Variants in MALT1 observed in about 807,000 individuals in gnomAD.
MALT1 encodes the protein MALT1 paracaspase.
A neutral mutation model predicts 85.5 loss-of-function variants in MALT1; 36 were observed. The ratio of observed to expected loss-of-function variants is 0.42; its 90% CI spans 0.32 to 0.56. MALT1 has a LOEUF of 0.56. Ranked by LOEUF, MALT1 falls within the 20% of genes least tolerant of loss-of-function variation. MALT1 has a pLI of 0.10. For synonymous variants in MALT1, 359 were observed against 361.3 expected, an observed-to-expected ratio of 0.99 and a Z score of 0.07; for missense variants, 716 against 981.6, an observed-to-expected ratio of 0.73 and a Z score of 3.62.
At chr18:58,735,056 G>T (rs900929824) in intron 12 of MALT1, 146 bp from the exon 13 acceptor site, 6 of 497,312 alleles carry the variant, frequency 1.2e-5, no homozygotes, top group South Asian at 2.1e-5. Flanking sequence ...CAGTCCCCAC[G>T]CTGTCCCCAC....
At chr18:58,700,314 T>G in intron 3 of MALT1, 127 bp from the exon 4 acceptor site, 1 of 631,900 alleles carries the variant, frequency 1.6e-6, no homozygotes, top group East Asian at 3.2e-5. Context: ...CTCAGAAATG[T>G]TTTAGAACTT....
intron 10 of MALT1, among the ~76,000 whole-genome samples, chr18:58,729,937 G>A (rs2055123383): frequency 6.6e-6 from 1 of 152,234 alleles, no homozygotes; most frequent in Admixed American, 6.5e-5. Flanking sequence ...AGAATTTGAA[G>A]TGTGTTAGAA....
At chr18:58,720,193 C>G (rs1206955014) in intron 9 of MALT1, among the ~76,000 whole-genome samples, 1 of 152,160 alleles carries the variant, frequency 6.6e-6, no homozygotes, top group East Asian at 1.9e-4. Flanking sequence ...AAATATTTTT[C>G]TACAGAAAAA....
intron 10 of MALT1, among the ~76,000 whole-genome samples, chr18:58,726,523 C>T (rs1430647849): frequency 1.3e-5 from 2 of 151,998 alleles, no homozygotes; most frequent in African/African-American, 4.8e-5. Context: ...CAGAGGAACT[C>T]GAGTTCATGC....
Position 58,745,660 on chromosome 18 carries a change from T to G in MALT1, c.1912-6T>G, listed in dbSNP as rs944241693. Reference sequence around the variant, plus strand: ...TATTAACAGTCCCTAATTTTTTTTTTTACAGGATCTAGATATTGATCCAAA... The same window carrying G: ...TATTAACAGTCCCTAATTTTTTTTTGTACAGGATCTAGATATTGATCCAAA... On this transcript the variant is annotated splice_region_variant and splice_polypyrimidine_tract_variant and intron_variant, in intron 15 of 16. Transcript: ENST00000649217. The G allele has an allele frequency of 1.2e-6, 2 of 1,607,558 alleles. No homozygotes were observed. Among genetic ancestry groups the G allele is most frequent in the Admixed American group, 3.4e-5 (2 of 58,774 alleles).
intron 13 of MALT1, among the ~76,000 whole-genome samples, chr18:58,741,085 T>TA (rs1392487129): frequency 3.3e-5 from 5 of 152,148 alleles, no homozygotes; most frequent in Non-Finnish European, 7.4e-5. Flanking sequence ...TTCCTACTCT[T>TA]AACCCCTAGG....
rs986427730 is a variant in MALT1 at position 58,748,292 on chromosome 18, A to T, written c.*450A>T. ...GGCACCAGAACTGAGACCTCCAGAA[A>T]TCTATTCCAGTATTTTTTCCACTAC... On this transcript the variant is annotated 3_prime_UTR_variant, in exon 17 of 17. Transcript: ENST00000649217. 11 of 215,114 alleles carry T rather than the reference A, an allele frequency of 5.1e-5. No individual in the cohort carries two copies. Among genetic ancestry groups the T allele is most frequent in the Admixed American group, 1.1e-4 (2 of 17,704 alleles). 13.3% of individuals were successfully genotyped at this position (215,114 alleles called of 1,614,324 possible). A position where few individuals can be genotyped will look rare whatever the true frequency, so the allele number is the denominator to read the frequency against.
At chr18:58,721,929 C>T (rs774053458) in intron 9 of MALT1, among the ~76,000 whole-genome samples, 1 of 152,172 alleles carries the variant, frequency 6.6e-6, no homozygotes, top group Non-Finnish European at 1.5e-5. Flanking sequence ...GGCGGCTCTT[C>T]AGCCAGTTGG....
chr18:58,684,150 C>T (rs1020227537), intron 2 of MALT1, among the ~76,000 whole-genome samples: 4 of 151,990 alleles, frequency 2.6e-5, no homozygotes, highest in African/African-American at 9.7e-5. Context: ...CCAGGCTGGT[C>T]TTGAACTCCT....
At chr18:58,719,330 T>TC (rs2054949533) in intron 9 of MALT1, among the ~76,000 whole-genome samples, 1 of 116,706 alleles carries the variant, frequency 8.6e-6, no homozygotes, top group South Asian at 2.7e-4. Flanking sequence ...TCTCTCTCTC[T>TC]TTCTCTTCCT....
At position 58,723,266 on chromosome 18, in the gene MALT1, A is replaced by T; in HGVS notation, c.1222+15A>T. On this transcript the variant is annotated intron_variant, in intron 10 of 16. Transcript: ENST00000649217. ...GGGAGTATATGGTAAGATATTTATA[A>T]TGTTTGTTTTTACAATTATCCATTA... 6.4e-7 allele frequency: 1 copy of T among 1,574,768 alleles called. No individual in the cohort carries two copies. The highest frequency in any genetic ancestry group is 8.7e-7 in the Non-Finnish European group (1 of 1,146,366).
Position 58,747,858 on chromosome 18 carries a change from A to AAGTT in MALT1, c.*19_*22dup, listed in dbSNP as rs775868941. ...TGAAAAATGACCTCCTTGTTTTTGA[A>AAGTT]AGTTAGCATAATTTTAGATGCCTGT... On this transcript the variant is annotated 3_prime_UTR_variant, in exon 17 of 17. Transcript: ENST00000649217. 119 of 1,600,048 alleles carry AAGTT rather than the reference A, an allele frequency of 7.4e-5. 1 individual carries two copies. In the East Asian group the frequency reaches 2.5e-3, roughly 34 times the overall value.
At chr18:58,687,806 GGT>G (rs1283132288) in intron 2 of MALT1, among the ~76,000 whole-genome samples, 1 of 152,092 alleles carries the variant, frequency 6.6e-6, no homozygotes, top group Non-Finnish European at 1.5e-5. Flanking sequence ...ATTTCAGCAG[GGT>G]TTTAAATTTT....
chr18:58,683,325 A>G (rs1286716820), intron 2 of MALT1, among the ~76,000 whole-genome samples: 3 of 152,206 alleles, frequency 2.0e-5, no homozygotes, highest in Non-Finnish European at 4.4e-5. Context: ...CTCTTTTTCA[A>G]TAATTATGCT....
In MALT1 at chr18:58,748,077, G is replaced by T; in HGVS notation, c.*235G>T. 1 of 508,498 alleles carries T rather than the reference G, an allele frequency of 2.0e-6. No homozygotes were observed. Among genetic ancestry groups the T allele is most frequent in the Non-Finnish European group, 3.5e-6 (1 of 282,638 alleles). The allele number at this position is 508,498 out of a possible 1,614,324, so 31.5% of individuals were successfully genotyped here. The stretch of plus-strand genomic sequence containing the variant: ...AATAGTTCTATACAAATGAAGTATG[G>T]AGGTGTGTATGTTTATATGTATATA... On this transcript the variant is annotated 3_prime_UTR_variant, in exon 17 of 17. Coordinates refer to ENST00000649217, the MANE Select transcript of MALT1 (RefSeq NM_006785.4).
chr18:58,711,134 A>C (rs2054825684), intron 7 of MALT1, among the ~76,000 whole-genome samples, 181 bp downstream of exon 7: 1 of 152,224 alleles, frequency 6.6e-6, no homozygotes, highest in African/African-American at 2.4e-5. Flanking sequence ...GACATGATTA[A>C]ATTGACACAG....
intron 3 of MALT1, among the ~76,000 whole-genome samples, chr18:58,698,307 C>T (rs1308417275): frequency 3.3e-5 from 5 of 152,030 alleles, no homozygotes; most frequent in Admixed American, 6.5e-5. Context: ...TCTCGTGATC[C>T]GCCTGCCTCA....
At chr18:58,681,414 G>T (rs935889226) in intron 2 of MALT1, 78 bp downstream of exon 2, 1 of 1,372,940 alleles carries the variant, frequency 7.3e-7, no homozygotes, top group Non-Finnish European at 9.9e-7. Context: ...TTGACCAGGT[G>T]AACTGTGTTA....
intron 1 of MALT1, among the ~76,000 whole-genome samples, chr18:58,680,611 A>G (rs1273582288): frequency 1.3e-5 from 2 of 152,168 alleles, no homozygotes; most frequent in Non-Finnish European, 2.9e-5. Context: ...TGTCAGTATC[A>G]AGGCTCAATT....
Sources: gnomAD v4.1 joint callset for allele counts (sites outside exome capture counted in the v4.1 genomes callset) on GRCh38, gnomAD v4.1.1 for gene constraint, MANE v1.5 for transcripts, NCBI Gene and HGNC (gene_info 2026-07-23, HGNC 2026-07-21) for gene names.